Variants in TMC3 observed in about 807,000 individuals in gnomAD.
TMC3 encodes transmembrane channel like 3.
A neutral mutation model predicts 110.6 loss-of-function variants in TMC3; 98 were observed. The ratio of observed to expected loss-of-function variants is 0.89; its 90% CI spans 0.75 to 1.05. The LOEUF is 1.05. Among genes scored for constraint, TMC3 ranks in the 50% least tolerant of loss-of-function variants. TMC3 has a pLI of 0.00. For missense variants in TMC3, 1,319 were observed against 1,373.2 expected (o/e 0.96, Z 0.62); for synonymous variants, 489 against 513.1 (o/e 0.95, Z 0.63).
At chr15:81,355,052 A>G (rs190930447) in intron 9 of TMC3, among the ~76,000 whole-genome samples, 2 of 152,172 alleles carry the variant, frequency 1.3e-5, no homozygotes, top group African/African-American at 4.8e-5. Flanking sequence ...AGCCCTTTCC[A>G]ACTCCTCCCC....
intron 20 of TMC3, chr15:81,335,921 G>GT (rs1367785284): frequency 6.6e-6 from 1 of 152,326 alleles, no homozygotes; most frequent in African/African-American, 2.4e-5. Context: ...AGGGACCTGG[G>GT]AGGGAACATT....
At chr15:81,343,553 G>A (rs1282485577) in intron 14 of TMC3, among the ~76,000 whole-genome samples, 5 of 152,128 alleles carry the variant, frequency 3.3e-5, no homozygotes, top group Non-Finnish European at 1.5e-5. Context: ...ACTTCGGGAG[G>A]CTGAGCAGGA....
Position 81,344,064 on chromosome 15 carries a change from C to T in TMC3, c.1519-19G>A. The T allele has an allele frequency of 1.3e-6, 2 of 1,599,726 alleles. No homozygotes were observed. The highest frequency in any genetic ancestry group is 2.2e-5 in the South Asian group (2 of 90,638). On this transcript the variant is annotated intron_variant, in intron 13 of 21. Transcript: ENST00000359440. ...GCATCTCCTGAAACACAGGGCGTCCCTGGATGCCACCATGCCCCACCCTTC... is the reference window on the plus strand; with the variant it reads ...GCATCTCCTGAAACACAGGGCGTCCTTGGATGCCACCATGCCCCACCCTTC...
chr15:81,339,123 A>T (rs1260322193), intron 17 of TMC3, among the ~76,000 whole-genome samples: 1 of 152,222 alleles, frequency 6.6e-6, no homozygotes, highest in East Asian at 1.9e-4. Flanking sequence ...CTGTGTTTTG[A>T]CCAGGTAGAA....
Position 81,332,659 on chromosome 15 carries a change from G to A in TMC3, c.3063C>T (p.Tyr1021=), listed in dbSNP as rs1403162993. The change falls in exon 22 of 22, where the codon TAC becomes TAT. Residue 1021 remains tyrosine (Y), a synonymous_variant. Coordinates refer to ENST00000359440, the MANE Select transcript of TMC3 (RefSeq NM_001080532.3). The stretch of plus-strand genomic sequence containing the variant: ...CTCTGGGCTTCAGAGGGGGCTGTGG[G>A]TATTGGAAATTCCGGGATCGTGGCT... The part of the protein sequence containing the change: ...PRKPRSRNFQ[Y]PQPPLKPRGK... 1 of 1,614,002 alleles carries A rather than the reference G, an allele frequency of 6.2e-7. No homozygotes were observed. The highest frequency in any genetic ancestry group is 1.6e-4 in the Middle Eastern group (1 of 6,062).
At chr15:81,361,255 T>A (rs1894181277) in intron 4 of TMC3, among the ~76,000 whole-genome samples, 1 of 152,196 alleles carries the variant, frequency 6.6e-6, no homozygotes, top group Non-Finnish European at 1.5e-5. Flanking sequence ...ATGTCTCCAT[T>A]CTGCATTCAT....
chr15:81,359,503 A>G (rs1894142084), intron 4 of TMC3, 32 bp from the exon 5 acceptor site: 1 of 1,431,476 alleles, frequency 7.0e-7, no homozygotes, highest in Admixed American at 2.6e-5. Flanking sequence ...AGAACAGTTT[A>G]AATAAAATCC....
chr15:81,373,979 G>A lies in TMC3; in HGVS notation c.89+10C>T. ...CTCCTCTGCCCAGCTGATGAATGGG[G>A]CCAGCTCACCTGAGCAGCAGAGATT... On this transcript the variant is annotated intron_variant, in intron 1 of 21. Coordinates refer to ENST00000359440, the MANE Select transcript of TMC3 (RefSeq NM_001080532.3). 1 of 1,612,358 alleles carries A rather than the reference G, an allele frequency of 6.2e-7. No homozygotes were observed. Among genetic ancestry groups the A allele is most frequent in the Non-Finnish European group, 8.5e-7 (1 of 1,179,188 alleles).
rs1350069350 is a variant in TMC3, at chr15:81,331,781, T to C, written c.*638A>G. The C allele has an allele frequency of 6.6e-6, 1 of 151,994 alleles. No homozygotes were observed. The highest frequency in any genetic ancestry group is 1.5e-5 in the Non-Finnish European group (1 of 68,024). The allele number at this position is 151,994 out of a possible 1,614,324, so 9.4% of individuals were successfully genotyped here. On this transcript the variant is annotated 3_prime_UTR_variant, in exon 22 of 22. Transcript: ENST00000359440. ...TAAGAGACAAAATGGAGCATTCCCC[T>C]GGTAAGGGAAGAACCTCGAGTGAGC...
At chr15:81,350,970 A>G (rs1041035885) in intron 10 of TMC3, among the ~76,000 whole-genome samples, 10 of 152,220 alleles carry the variant, frequency 6.6e-5, no homozygotes, top group African/African-American at 2.2e-4. Context: ...TGTCATTTAG[A>G]TATTCAGAAA....
intron 9 of TMC3, among the ~76,000 whole-genome samples, chr15:81,353,028 T>A (rs1309595541): frequency 6.6e-6 from 1 of 152,114 alleles, no homozygotes; most frequent in Non-Finnish European, 1.5e-5. Context: ...CCCATGTTGA[T>A]CAGGCTTGTC....
At position 81,368,416 on chromosome 15, in the gene TMC3, G is replaced by A. The variant is rs1349562392; in HGVS notation, c.237-88C>T. 9.2e-6 allele frequency: 9 copies of A among 975,644 alleles called. No individual in the cohort carries two copies. In the Admixed American group the frequency reaches 1.6e-4, roughly 17 times the overall value. The allele number at this position is 975,644 out of a possible 1,614,324, so 60.4% of individuals were successfully genotyped here. On this transcript the variant is annotated intron_variant, in intron 2 of 21. Coordinates refer to ENST00000359440, the MANE Select transcript of TMC3 (RefSeq NM_001080532.3). ...TGTAAAAATGCAACAGGAATAGGTT[G>A]CCATCTTGTCCTGAAAAATGATACA...
In TMC3 at chr15:81,339,360, A is replaced by G. The variant is rs924028252; in HGVS notation, c.1955+34T>C. ...ATGATCTAATTCCCTTACAGCTGTC[A>G]GTCACTCCGGGCAGAGCTGGGAACG... On this transcript the variant is annotated intron_variant, in intron 17 of 21. Transcript: ENST00000359440. The G allele has an allele frequency of 1.0e-5, 15 of 1,452,484 alleles. No homozygotes were observed. The Admixed American group carries it at 1.1e-4, about 11-fold the overall frequency. The allele number at this position is 1,452,484 out of a possible 1,614,324, so 90.0% of individuals were successfully genotyped here.
At chr15:81,351,196 A>G (rs370215674) in intron 10 of TMC3, among the ~76,000 whole-genome samples, 2 of 152,206 alleles carry the variant, frequency 1.3e-5, no homozygotes, top group African/African-American at 4.8e-5. Flanking sequence ...AGATGAATAA[A>G]ATTGCCAAGC....
At chr15:81,353,854 A>G (rs577236681) in intron 9 of TMC3, among the ~76,000 whole-genome samples, 2 of 152,220 alleles carry the variant, frequency 1.3e-5, no homozygotes, top group Non-Finnish European at 2.9e-5. Flanking sequence ...GCCTTTTTCA[A>G]TGCTGTTATC....
intron 7 of TMC3, 63 bp from the exon 8 acceptor site, chr15:81,356,657 C>A: frequency 2.0e-6 from 3 of 1,526,854 alleles, no homozygotes; most frequent in Non-Finnish European, 2.6e-6. Flanking sequence ...TAGCTAGCAC[C>A]CATGGAGCCT....
At position 81,334,795 on chromosome 15, in the gene TMC3, G is replaced by C. The variant is rs200306951; in HGVS notation, c.2384C>G (p.Pro795Arg). 6.2e-7 allele frequency: 1 copy of C among 1,613,980 alleles called. No individual in the cohort carries two copies. ...ETVAQSMPQS[P>R]RPGDRAPSSP... is the part of the protein sequence containing the mutation. ...GCTAGGAGCCCTGTCCCCTGGCCTC[G>C]GGCTCTGGGGCATGGACTGTGCGAC... Residue 795 changes from proline to arginine, a missense_variant, in exon 21 of 22, where the codon CCG becomes CGG. Pro to Arg is a moderately radical substitution (Grantham distance 103). Transcript: ENST00000359440.
chr15:81,348,069 A>G (rs1893863525), intron 11 of TMC3, among the ~76,000 whole-genome samples: 1 of 152,218 alleles, frequency 6.6e-6, no homozygotes, highest in Non-Finnish European at 1.5e-5. Flanking sequence ...GTTGTATTGG[A>G]ACACGACCAC....
intron 1 of TMC3, 133 bp from the exon 2 acceptor site, chr15:81,372,870 C>CGT (rs58420711): frequency 0.05 from 27,757 of 554,118 alleles, 235 homozygotes; most frequent in East Asian, 0.11. Flanking sequence ...TGTGTTTGTG[C>CGT]GTGTGTGTGT....
Sources: allele counts gnomAD v4.1 joint callset (sites outside exome capture counted in the v4.1 genomes callset), GRCh38; gene constraint gnomAD v4.1.1; transcripts MANE v1.5; gene names NCBI Gene and HGNC (gene_info 2026-07-23, HGNC 2026-07-21).